SNX11: variants seen among roughly 807,000 people sequenced by gnomAD.
SNX11 encodes sorting nexin-11.
A neutral mutation model predicts 30.7 loss-of-function variants in SNX11; 19 were observed. That is an observed-to-expected ratio of 0.62 (90% CI 0.43 to 0.91). The LOEUF (loss-of-function observed/expected upper bound fraction) is 0.91, where lower values mean the gene tolerates loss of function less well. SNX11 is among the 40% of genes least tolerant of loss of function. The pLI, the probability that SNX11 is intolerant of heterozygous loss-of-function variation, is 0.00. For synonymous variants in SNX11, 112 were observed against 119.0 expected, an observed-to-expected ratio of 0.94 and a Z score of 0.38; for missense variants, 302 against 326.7, an observed-to-expected ratio of 0.92 and a Z score of 0.58.
At chr17:48,109,713 GATTACAGGCGCC>G (rs1029350742) in intron 1 of SNX11, among the ~76,000 whole-genome samples, 1 of 152,048 alleles carries the variant, frequency 6.6e-6, no homozygotes, top group African/African-American at 2.4e-5. Context: ...AAGTAGGTGG[GATTACAGGCGCC>G]TGCCACCACG....
chr17:48,108,521 G>A (rs1167718614), intron 1 of SNX11, among the ~76,000 whole-genome samples: 1 of 152,192 alleles, frequency 6.6e-6, no homozygotes, highest in Non-Finnish European at 1.5e-5. Flanking sequence ...TTGTTTAAAT[G>A]GGAGAGAAAA....
At chr17:48,117,098 A>G (rs1287104775) in intron 4 of SNX11, among the ~76,000 whole-genome samples, 1 of 150,820 alleles carries the variant, frequency 6.6e-6, no homozygotes, top group Non-Finnish European at 1.5e-5. Context: ...CTTGTTGCCC[A>G]GGCTGGAGTG....
At chr17:48,112,493 G>A in intron 2 of SNX11, 81 bp from the exon 3 acceptor site, 1 of 848,654 alleles carries the variant, frequency 1.2e-6, no homozygotes, top group Non-Finnish European at 2.0e-6. Flanking sequence ...AGTTGGTGTT[G>A]GGTGGAAAAA....
chr17:48,119,556 A>G (rs980741164), intron 6 of SNX11, among the ~76,000 whole-genome samples: 2 of 152,060 alleles, frequency 1.3e-5, no homozygotes, highest in Non-Finnish European at 2.9e-5. Context: ...GGTTCAAGCG[A>G]TTCTCCTGCC....
At chr17:48,118,945 C>T in intron 5 of SNX11, 29 bp from the exon 6 acceptor site, 5 of 1,606,946 alleles carry the variant, frequency 3.1e-6, no homozygotes, top group Non-Finnish European at 4.3e-6. Flanking sequence ...GGGTGATGCT[C>T]TGTGTTGTGC....
chr17:48,111,324 C>T (rs1031497316), intron 1 of SNX11, among the ~76,000 whole-genome samples: 6 of 152,018 alleles, frequency 3.9e-5, no homozygotes, highest in East Asian at 1.9e-4. Flanking sequence ...TCTAAACAGC[C>T]GGGAGGGGGT....
chr17:48,113,209 G>T, intron 3 of SNX11, 92 bp from the exon 4 acceptor site: 4 of 1,050,954 alleles, frequency 3.8e-6, no homozygotes, highest in Non-Finnish European at 5.9e-6. Context: ...TGATGGCATG[G>T]CTCCTCAGTG....
chr17:48,111,944 T>C, intron 1 of SNX11, 87 bp from the exon 2 acceptor site: 1 of 1,089,858 alleles, frequency 9.2e-7, no homozygotes, highest in Non-Finnish European at 1.4e-6. Flanking sequence ...CGGGGGTCTA[T>C]TAAAAACTTT....
At chr17:48,114,790 C>T (rs1428816965) in intron 4 of SNX11, among the ~76,000 whole-genome samples, 2 of 149,968 alleles carry the variant, frequency 1.3e-5, no homozygotes, top group African/African-American at 2.5e-5. Flanking sequence ...CTCAGCCTTC[C>T]GAGTAGCTGG....
At chr17:48,109,905 TC>T (rs1276466013) in intron 1 of SNX11, among the ~76,000 whole-genome samples, 1 of 152,142 alleles carries the variant, frequency 6.6e-6, no homozygotes, top group Non-Finnish European at 1.5e-5. Flanking sequence ...TATACAAACT[TC>T]CTGAGACCAA....
At chr17:48,120,098 C>T (rs943591990) in intron 6 of SNX11, among the ~76,000 whole-genome samples, 2 of 151,588 alleles carry the variant, frequency 1.3e-5, no homozygotes, top group African/African-American at 2.4e-5. Context: ...TACTTCATTA[C>T]TGTTTTTTTC....
chr17:48,113,548 G>A (rs1248467733), intron 4 of SNX11, 147 bp downstream of exon 4: 9 of 429,082 alleles, frequency 2.1e-5, no homozygotes, highest in Non-Finnish European at 3.8e-5. Context: ...TGTTTTTTGG[G>A]TTTTTTTTTT....
intron 4 of SNX11, among the ~76,000 whole-genome samples, chr17:48,118,334 A>C (rs1407797981): frequency 6.6e-6 from 1 of 152,108 alleles, no homozygotes; most frequent in African/African-American, 2.4e-5. Flanking sequence ...TAATCCCAGC[A>C]CTTTGGGAGG....
chr17:48,120,805 C>T lies in SNX11; in HGVS notation c.540-430C>T, dbSNP rs951157330. On this transcript the variant is annotated intron_variant, in intron 6 of 6. Coordinates refer to ENST00000359238, the MANE Select transcript of SNX11 (RefSeq NM_013323.3). The stretch of plus-strand genomic sequence containing the variant: ...GATTACAGGCGTGAGCCACCACGCC[C>T]GGCCTCTTTTTTATTTTTTTAAATT... Among the ~76,000 whole-genome samples, 10 of 151,872 alleles carry T rather than the reference C, an allele frequency of 6.6e-5. No individual in the cohort carries two copies. In the Middle Eastern group the frequency reaches 0.01, roughly 155 times the overall value.
chr17:48,113,275 TG>T (rs767062922), intron 3 of SNX11, 25 bp from the exon 4 acceptor site: 21 of 1,579,340 alleles, frequency 1.3e-5, no homozygotes, highest in Middle Eastern at 1.7e-4. Flanking sequence ...ACCCTTTTCA[TG>T]TACTTCATGT....
rs2063616688 is a variant in SNX11, at chr17:48,123,334, C to T, written c.*1826C>T. 1.3e-5 allele frequency among the ~76,000 whole-genome samples: 2 copies of T among 152,182 alleles called. No homozygotes were observed. Among genetic ancestry groups the T allele is most frequent in the Admixed American group, 1.3e-4 (2 of 15,272 alleles). ...GAGCCCAATGCTCCAAATGGTGCAG[C>T]TGTGAACCCAGCTGTGCCTGAAGCT... is the stretch of plus-strand genomic sequence containing the variant. On this transcript the variant is annotated 3_prime_UTR_variant, in exon 7 of 7. Transcript: ENST00000359238.
In SNX11 at chr17:48,114,168, C is replaced by CT. The variant is rs34702745; in HGVS notation, c.230+783dup. On this transcript the variant is annotated intron_variant, in intron 4 of 6. Transcript: ENST00000359238. ...ACCACTCCTGGCTGGGAAATATGTT[C>CT]TTTTTTTTTTTTTTTTGAGACTGAG... is the stretch of plus-strand genomic sequence containing the variant. 6.2e-3 allele frequency among the ~76,000 whole-genome samples: 789 copies of CT among 126,248 alleles called. 21 individuals are homozygous for CT. The East Asian group carries it at 0.1, about 16-fold the overall frequency. 82.8% of individuals were successfully genotyped at this position (126,248 alleles called of 152,430 possible).
intron 1 of SNX11, chr17:48,110,645 G>A (rs1451181476): frequency 6.6e-6 from 1 of 152,640 alleles, no homozygotes; most frequent in Non-Finnish European, 1.5e-5. Flanking sequence ...GTATGTGAAT[G>A]AGTACGGGAT....
Position 48,112,085 on chromosome 17 carries a change from G to A in SNX11, c.42G>A (p.Glu14=), listed in dbSNP as rs764529074. The A allele has an allele frequency of 6.2e-6, 10 of 1,613,584 alleles. No individual in the cohort carries two copies. The highest frequency in any genetic ancestry group is 8.5e-6 in the Non-Finnish European group (10 of 1,179,572). The change falls in exon 2 of 7, where the codon GAG becomes GAA. Residue 14 remains glutamate (E), a splice_region_variant and synonymous_variant. Transcript: ENST00000359238. ...WCRMSENQEQ[E]EVITVRVQDP... is the part of the protein sequence containing the mutation. ...GGATGTCGGAGAACCAAGAACAGGA[G>A]GTAAGAGTATGGTCTGCAGAGAACA...
Sources: gnomAD v4.1 joint callset for allele counts (sites outside exome capture counted in the v4.1 genomes callset) on GRCh38, gnomAD v4.1.1 for gene constraint, MANE v1.5 for transcripts, NCBI Gene and HGNC (gene_info 2026-07-23, HGNC 2026-07-21) for gene names.